Variants in AP1G1 observed in about 807,000 individuals in gnomAD.
AP1G1 encodes adaptor related protein complex 1 subunit gamma 1.
In AP1G1, 7 loss-of-function variants were observed where a neutral mutation model predicts 108.3. That is an observed-to-expected ratio of 0.06 (90% CI 0.04 to 0.12). The LOEUF is 0.12. Among genes scored for constraint, AP1G1 ranks in the 10% least tolerant of loss-of-function variants. The pLI, the probability that AP1G1 is intolerant of heterozygous loss-of-function variation, is 1.00. For synonymous variants in AP1G1, 379 were observed against 353.5 expected (o/e 1.07, Z -0.81); for missense variants, 756 against 1,010.7 (o/e 0.75, Z 3.42).
In AP1G1 at chr16:71,792,773, T is replaced by C. The variant is rs535511295; in HGVS notation, c.-3-3291A>G. Among the ~76,000 whole-genome samples, 61 of 151,170 alleles carry C rather than the reference T, an allele frequency of 4.0e-4. 1 individual carries two copies. Among genetic ancestry groups the C allele is most frequent in the African/African-American group, 1.3e-3 (55 of 41,116 alleles). ...AGAGGCTGAGGCAGGAGAATCGCTTTAACCCGGGAAGTGGAGATTGCAGTG... is the reference window on the plus strand; with the variant it reads ...AGAGGCTGAGGCAGGAGAATCGCTTCAACCCGGGAAGTGGAGATTGCAGTG... On this transcript the variant is annotated intron_variant, in intron 1 of 22. Transcript: ENST00000299980.
intron 15 of AP1G1, among the ~76,000 whole-genome samples, chr16:71,749,376 A>G (rs2030361844): frequency 4.6e-5 from 7 of 151,882 alleles, no homozygotes; most frequent in Admixed American, 4.6e-4. Context: ...CCAGCTACTC[A>G]GGAGGCTGAG....
At chr16:71,782,868 T>C (rs1397796082) in intron 2 of AP1G1, among the ~76,000 whole-genome samples, 1 of 152,202 alleles carries the variant, frequency 6.6e-6, no homozygotes, top group African/African-American at 2.4e-5. Flanking sequence ...CCTTCTGACA[T>C]GATCTTTGCA....
In AP1G1 at chr16:71,735,605, G is replaced by A. The variant is rs568582341; in HGVS notation, c.2269-898C>T. 8.9e-4 allele frequency among the ~76,000 whole-genome samples: 135 copies of A among 151,108 alleles called. 1 individual carries two copies. The highest frequency in any genetic ancestry group is 1.8e-3 in the African/African-American group (76 of 41,114). ...TGAACCCAGGAGGTTGTGGTGAGCC[G>A]AGACTGTGCCACTGCACTCCAGCCT... is the stretch of plus-strand genomic sequence containing the variant. On this transcript the variant is annotated intron_variant, in intron 21 of 22. Transcript: ENST00000299980.
At position 71,786,891 on chromosome 16, in the gene AP1G1, T is replaced by C. The variant is rs1189321275; in HGVS notation, c.201+2388A>G. On this transcript the variant is annotated intron_variant, in intron 2 of 22. Transcript: ENST00000299980. ...GAGCCTGAGCAACACAGCAAAGCCCTGTCTCTATAAAAAATACAAAAATTA... is the reference window on the plus strand; with the variant it reads ...GAGCCTGAGCAACACAGCAAAGCCCCGTCTCTATAAAAAATACAAAAATTA... Among the ~76,000 whole-genome samples the C allele has an allele frequency of 6.6e-5, 10 of 152,208 alleles. 1 individual carries two copies. The highest frequency in any genetic ancestry group is 3.9e-4 in the Admixed American group (6 of 15,284).
chr16:71,738,212 G>A (rs2010428), intron 21 of AP1G1, among the ~76,000 whole-genome samples: 8 of 151,202 alleles, frequency 5.3e-5, no homozygotes, highest in South Asian at 4.2e-4. Flanking sequence ...CATCACGCCC[G>A]GCTAATTTTT....
At chr16:71,772,537 A>G (rs1457799387) in intron 4 of AP1G1, among the ~76,000 whole-genome samples, 1 of 152,222 alleles carries the variant, frequency 6.6e-6, no homozygotes. Context: ...CTTACAAATT[A>G]AGAAAATAAT....
chr16:71,768,775 C>T (rs1280303101), intron 6 of AP1G1, among the ~76,000 whole-genome samples: 1 of 150,104 alleles, frequency 6.7e-6, no homozygotes, highest in African/African-American at 2.5e-5. Context: ...ATTAGCCAGG[C>T]GTGGTGCCAG....
At position 71,758,309 on chromosome 16, in the gene AP1G1, GA is replaced by G. The variant is rs1238527233; in HGVS notation, c.1088+498del. 15 of 423,594 alleles carry G rather than the reference GA, an allele frequency of 3.5e-5. No individual in the cohort carries two copies. In the Admixed American group the frequency reaches 3.9e-4, roughly 11 times the overall value. 26.2% of individuals were successfully genotyped at this position (423,594 alleles called of 1,614,324 possible). ...GAGGGAAGAGATTTATGCTTTTTGAGAGTGCTACCTGCTGCCTAACAGTCAT... is the reference window on the plus strand; with the variant it reads ...GAGGGAAGAGATTTATGCTTTTTGAGGTGCTACCTGCTGCCTAACAGTCAT... On this transcript the variant is annotated intron_variant, in intron 11 of 22. Coordinates refer to ENST00000299980, the MANE Select transcript of AP1G1 (RefSeq NM_001128.6).
At chr16:71,808,629 C>G in intron 1 of AP1G1, 134 bp downstream of exon 1, 1 of 1,289,736 alleles carries the variant, frequency 7.8e-7, no homozygotes, top group South Asian at 1.2e-5. Context: ...GGCCCAGCTT[C>G]TCTGTCTTCT....
intron 15 of AP1G1, among the ~76,000 whole-genome samples, 166 bp downstream of exon 15, chr16:71,749,728 C>T (rs1444793025): frequency 6.6e-6 from 1 of 151,954 alleles, no homozygotes; most frequent in Non-Finnish European, 1.5e-5. Flanking sequence ...TGGGCTCAAG[C>T]GATGCTCCCA....
At chr16:71,778,084 GAGA>G (rs1339035233) in intron 2 of AP1G1, among the ~76,000 whole-genome samples, 1 of 152,164 alleles carries the variant, frequency 6.6e-6, no homozygotes, top group African/African-American at 2.4e-5. Context: ...AGTAGGCACA[GAGA>G]AGAAGTGGAA....
chr16:71,744,175 C>T (rs573755273), intron 19 of AP1G1, among the ~76,000 whole-genome samples: 29 of 152,088 alleles, frequency 1.9e-4, no homozygotes, highest in Admixed American at 1.0e-3. Context: ...ACCCGGGAGG[C>T]GGAGGTTGCA....
intron 2 of AP1G1, among the ~76,000 whole-genome samples, chr16:71,775,060 CTT>C (rs1031459412): frequency 8.4e-5 from 9 of 107,472 alleles, no homozygotes; most frequent in African/African-American, 3.0e-4. Context: ...GGTTTTTGCT[CTT>C]GTCGCCCAGG....
intron 21 of AP1G1, among the ~76,000 whole-genome samples, chr16:71,736,734 C>T (rs981786212): frequency 1.5e-3 from 225 of 148,712 alleles, no homozygotes; most frequent in Non-Finnish European, 2.7e-3. Flanking sequence ...TACAGGCGCC[C>T]GCCACCACGC....
At position 71,774,604 on chromosome 16, in the gene AP1G1, G is replaced by GA. The variant is rs535416353; in HGVS notation, c.202-13dup. On this transcript the variant is annotated splice_polypyrimidine_tract_variant and intron_variant, in intron 2 of 22. Transcript: ENST00000299980. ...TTGAGGCACTCCAACTGCAAAAAAA[G>GA]AAAAAAAAAAAGAAGGAAATTAAAA... 47,410 of 923,896 alleles carry GA rather than the reference G, an allele frequency of 0.051. 13 individuals are homozygous for GA. The highest frequency in any genetic ancestry group is 0.072 in the South Asian group (3,357 of 46,628). 57.2% of individuals were successfully genotyped at this position (923,896 alleles called of 1,614,324 possible). A position where few individuals can be genotyped will look rare whatever the true frequency, so the allele number is the denominator to read the frequency against.
intron 11 of AP1G1, 87 bp from the exon 12 acceptor site, chr16:71,756,246 G>GTA: frequency 8.0e-7 from 1 of 1,249,362 alleles, no homozygotes; most frequent in Non-Finnish European, 1.1e-6. Flanking sequence ...TGAACACCAA[G>GTA]TACTGCCAGA....
chr16:71,739,121 A>AT lies in AP1G1; in HGVS notation c.2108-20dup. The stretch of plus-strand genomic sequence containing the variant: ...GGGATGCCTGAGAAAGTACAGGAAG[A>AT]TAAGTCTTATTGTAGTCAGCCTAAT... On this transcript the variant is annotated intron_variant, in intron 20 of 22. Transcript: ENST00000299980. 2 of 1,613,956 alleles carry AT rather than the reference A, an allele frequency of 1.2e-6. No homozygotes were observed. Among genetic ancestry groups the AT allele is most frequent in the African/African-American group, 1.3e-5 (1 of 75,058 alleles).
intron 1 of AP1G1, chr16:71,807,993 T>C (rs1597099164): frequency 8.2e-7 from 1 of 1,222,830 alleles, no homozygotes; most frequent in Non-Finnish European, 1.0e-6. Flanking sequence ...TTCATAAACA[T>C]AATCTGCTTC....
At position 71,801,961 on chromosome 16, in the gene AP1G1, C is replaced by T. The variant is rs190995782; in HGVS notation, c.-4+6802G>A. 4.3e-3 allele frequency among the ~76,000 whole-genome samples: 646 copies of T among 150,890 alleles called. 10 individuals carry two copies. Among genetic ancestry groups the T allele is most frequent in the African/African-American group, 0.015 (625 of 41,196 alleles). ...AAAAAGAAAAGAAAAAAATGCTCTG[C>T]AAGTGTTTCAGATTTTGGATTTTAG... On this transcript the variant is annotated intron_variant, in intron 1 of 22. Transcript: ENST00000299980.
Sources: gnomAD v4.1 joint callset for allele counts (sites outside exome capture counted in the v4.1 genomes callset) on GRCh38, gnomAD v4.1.1 for gene constraint, MANE v1.5 for transcripts, NCBI Gene and HGNC (gene_info 2026-07-23, HGNC 2026-07-21) for gene names.